The following LTBP1 variants were observed in gnomAD, a reference collection of about 807,000 sequenced individuals.
LTBP1 encodes latent transforming growth factor beta binding protein 1.
Under a neutral mutation model 207.6 loss-of-function variants are expected in LTBP1, and 129 were observed. The ratio of observed to expected loss-of-function variants is 0.62; its 90% CI spans 0.54 to 0.72. LTBP1 has a LOEUF of 0.72. Among genes scored for constraint, LTBP1 ranks in the 30% least tolerant of loss-of-function variants. The probability of loss-of-function intolerance (pLI) is 0.00; values close to 1 mark genes in which losing one functional copy is unlikely to be tolerated. For synonymous variants in LTBP1, 963 were observed against 833.7 expected, an observed-to-expected ratio of 1.16 and a Z score of -2.67; for missense variants, 2,281 against 2,217.2, an observed-to-expected ratio of 1.03 and a Z score of -0.58.
At chr2:33,269,101 C>CCATT (rs3050390) in intron 15 of LTBP1, among the ~76,000 whole-genome samples, 2,041 of 151,552 alleles carry the variant, frequency 0.013, 29 homozygotes, top group Admixed American at 0.031. Context: ...TTTCCAGACT[C>CCATT]CATTCATTCA....
At chr2:33,371,545 C>T (rs1422035890) in intron 31 of LTBP1, among the ~76,000 whole-genome samples, 1 of 152,192 alleles carries the variant, frequency 6.6e-6, no homozygotes. Flanking sequence ...CTGAGAATTT[C>T]TAGCGCTGTG....
intron 15 of LTBP1, among the ~76,000 whole-genome samples, chr2:33,269,759 C>G (rs1442295930): frequency 6.6e-6 from 1 of 152,116 alleles, no homozygotes; most frequent in Non-Finnish European, 1.5e-5. Context: ...TATAAAGCAT[C>G]TTGTCTTTGC....
At chr2:33,392,575 A>G (rs550836788) in intron 32 of LTBP1, among the ~76,000 whole-genome samples, 1 of 152,320 alleles carries the variant, frequency 6.6e-6, no homozygotes, top group Admixed American at 6.5e-5. Flanking sequence ...AGCCCTAGAT[A>G]GCACAGCAGC....
At chr2:33,322,058 G>A (rs2094362469) in intron 24 of LTBP1, among the ~76,000 whole-genome samples, 1 of 151,870 alleles carries the variant, frequency 6.6e-6, no homozygotes, top group African/African-American at 2.4e-5. Flanking sequence ...TGCATTGCTT[G>A]ATTGTCTTCC....
At chr2:33,139,070 G>T (rs1377477701) in intron 5 of LTBP1, among the ~76,000 whole-genome samples, 1 of 151,450 alleles carries the variant, frequency 6.6e-6, no homozygotes, top group Non-Finnish European at 1.5e-5. Flanking sequence ...GTGTTAGCCA[G>T]GATGGTCTCC....
intron 3 of LTBP1, among the ~76,000 whole-genome samples, chr2:33,107,493 C>A (rs2080131519): frequency 2.0e-5 from 3 of 151,830 alleles, no homozygotes; most frequent in Admixed American, 2.0e-4. Flanking sequence ...GGAGCAGAGA[C>A]CCTGAGTTCT....
rs558349651 is a variant in LTBP1 at position 33,061,620 on chromosome 2, C to T, written c.863+40414C>T. ...ATACTATTTGTGGAATGTGTTAATA[C>T]TGTCGCGTGAATAAGCAGTTCATTC... On this transcript the variant is annotated intron_variant, in intron 3 of 33. Coordinates refer to ENST00000404816, the MANE Select transcript of LTBP1 (RefSeq NM_206943.4). Among the ~76,000 whole-genome samples the T allele has an allele frequency of 3.9e-5, 6 of 152,224 alleles. No homozygotes were observed. The South Asian group carries it at 1.2e-3, about 32-fold the overall frequency.
intron 3 of LTBP1, among the ~76,000 whole-genome samples, chr2:33,049,136 T>A (rs2076597251): frequency 6.6e-6 from 1 of 152,206 alleles, no homozygotes; most frequent in Non-Finnish European, 1.5e-5. Flanking sequence ...CATTGTGACA[T>A]GATTTTCATT....
chr2:33,286,725 A>G (rs2093670940), intron 19 of LTBP1, among the ~76,000 whole-genome samples: 1 of 147,750 alleles, frequency 6.8e-6, no homozygotes, highest in East Asian at 1.9e-4. Flanking sequence ...CGTGGCACGT[A>G]TACACCATGG....
At chr2:33,125,860 A>G (rs1286420868) in intron 4 of LTBP1, among the ~76,000 whole-genome samples, 1 of 151,758 alleles carries the variant, frequency 6.6e-6, no homozygotes, top group Non-Finnish European at 1.5e-5. Flanking sequence ...TCCAAACTGT[A>G]GTGATTTAAA....
intron 7 of LTBP1, among the ~76,000 whole-genome samples, chr2:33,216,128 A>G (rs2090678711): frequency 6.6e-6 from 1 of 152,184 alleles, no homozygotes; most frequent in Non-Finnish European, 1.5e-5. Context: ...AGCATTTGCA[A>G]CGTGTACTGT....
At chr2:33,040,331 G>A (rs908973254) in intron 3 of LTBP1, among the ~76,000 whole-genome samples, 2 of 152,194 alleles carry the variant, frequency 1.3e-5, no homozygotes, top group South Asian at 2.1e-4. Context: ...CACACATGAC[G>A]ATTAGCAGAC....
chr2:33,043,581 GC>G (rs2076298940), intron 3 of LTBP1, among the ~76,000 whole-genome samples: 1 of 152,008 alleles, frequency 6.6e-6, no homozygotes, highest in African/African-American at 2.4e-5. Flanking sequence ...GGCTAGAATG[GC>G]CGGTTTTAGC....
At chr2:33,158,148 C>CAAA (rs59789805) in intron 5 of LTBP1, among the ~76,000 whole-genome samples, 21 of 113,910 alleles carry the variant, frequency 1.8e-4, no homozygotes, top group East Asian at 8.1e-4. Context: ...AAAAAAAAAA[C>CAAA]AAAAAAAAAA....
chr2:33,096,440 G>T (rs1176834308), intron 3 of LTBP1, among the ~76,000 whole-genome samples: 6 of 152,044 alleles, frequency 3.9e-5, no homozygotes, highest in African/African-American at 1.4e-4. Context: ...AGTGGTGTGG[G>T]GTTTATTACA....
chr2:33,026,778 A>T lies in LTBP1; in HGVS notation c.863+5572A>T, dbSNP rs538116441. Among the ~76,000 whole-genome samples the T allele has an allele frequency of 6.0e-4, 91 of 152,346 alleles. No homozygotes were observed. The Middle Eastern group carries it at 0.014, about 23-fold the overall frequency. On this transcript the variant is annotated intron_variant, in intron 3 of 33. Transcript: ENST00000404816. ...TATCGTGTTATACATATTTATTTAA[A>T]CTTAAAAAGATGTTAAATTGAAATT... is the stretch of plus-strand genomic sequence containing the variant.
At chr2:33,195,654 T>C in intron 7 of LTBP1, among the ~76,000 whole-genome samples, 1 of 151,700 alleles carries the variant, frequency 6.6e-6, no homozygotes, top group Non-Finnish European at 1.5e-5. Context: ...GCTGTGAACA[T>C]TGTGAAATGA....
intron 3 of LTBP1, among the ~76,000 whole-genome samples, chr2:33,106,247 G>A (rs891900302): frequency 6.6e-5 from 10 of 152,138 alleles, no homozygotes; most frequent in African/African-American, 2.4e-4. Context: ...TGACCTTTGG[G>A]TCATCCATGA....
chr2:33,073,081 A>T (rs1165919585), intron 3 of LTBP1, among the ~76,000 whole-genome samples: 2 of 151,668 alleles, frequency 1.3e-5, no homozygotes, highest in Non-Finnish European at 2.9e-5. Flanking sequence ...GTCATTGTTA[A>T]TCTTAATCTT....
Sources: gnomAD v4.1 joint callset for allele counts (sites outside exome capture counted in the v4.1 genomes callset) on GRCh38, gnomAD v4.1.1 for gene constraint, MANE v1.5 for transcripts, NCBI Gene and HGNC (gene_info 2026-07-23, HGNC 2026-07-21) for gene names.